Variants in TBC1D8 observed in about 807,000 individuals in gnomAD.
TBC1D8 encodes the protein BUB2-like protein 1.
TBC1D8 carries 65 observed loss-of-function variants against 118.8 expected under a neutral mutation model. That is an observed-to-expected ratio of 0.55 (90% CI 0.45 to 0.67). The LOEUF (loss-of-function observed/expected upper bound fraction) is 0.67, where lower values mean the gene tolerates loss of function less well. Among genes scored for constraint, TBC1D8 ranks in the 30% least tolerant of loss-of-function variants. The pLI is 0.00. For synonymous variants in TBC1D8, 566 were observed against 595.8 expected, an observed-to-expected ratio of 0.95 and a Z score of 0.73; for missense variants, 1,376 against 1,471.2, an observed-to-expected ratio of 0.94 and a Z score of 1.06.
chr2:101,026,743 G>A (rs1374642948), intron 15 of TBC1D8, among the ~76,000 whole-genome samples: 1 of 152,162 alleles, frequency 6.6e-6, no homozygotes, highest in Admixed American at 6.5e-5. Flanking sequence ...TTACTGTTTT[G>A]AGCAAGAAAA....
intron 2 of TBC1D8, among the ~76,000 whole-genome samples, chr2:101,067,160 T>C (rs1307891437): frequency 6.6e-6 from 1 of 152,146 alleles, no homozygotes; most frequent in Non-Finnish European, 1.5e-5. Context: ...CTTCAGTTCT[T>C]ACATCAAATG....
At chr2:101,109,957 T>C in intron 1 of TBC1D8, 2 of 985,490 alleles carry the variant, frequency 2.0e-6, no homozygotes, top group Non-Finnish European at 2.4e-6. Flanking sequence ...TCGTGCATCC[T>C]GCTTTCCTTT....
rs201589539 is a variant in TBC1D8 at position 101,028,045 on chromosome 2, C to T, written c.2451+3G>A. On this transcript the variant is annotated splice_donor_region_variant and intron_variant, in intron 14 of 19. Coordinates refer to ENST00000409318, the MANE Select transcript of TBC1D8 (RefSeq NM_001330348.2). ...TCACCGGGGTGAGGCGTCTGCTACCCACCACGTTCTGCTTTGTGGTGTCCT... is the reference window on the plus strand; with the variant it reads ...TCACCGGGGTGAGGCGTCTGCTACCTACCACGTTCTGCTTTGTGGTGTCCT... 72 of 1,613,992 alleles carry T rather than the reference C, an allele frequency of 4.5e-5. No individual in the cohort carries two copies. The highest frequency in any genetic ancestry group is 5.5e-5 in the Non-Finnish European group (65 of 1,179,868).
chr2:101,106,117 C>A (rs548464748), intron 1 of TBC1D8, among the ~76,000 whole-genome samples: 2 of 152,142 alleles, frequency 1.3e-5, no homozygotes, highest in East Asian at 3.9e-4. Flanking sequence ...AAGAAACCCT[C>A]CTAAGAAAGC....
chr2:101,095,249 T>TTTATTATTATTATTATTATTA (rs61200526), intron 1 of TBC1D8, among the ~76,000 whole-genome samples: 12,152 of 145,974 alleles, frequency 0.083, 697 homozygotes, highest in Middle Eastern at 0.19. Flanking sequence ...AAGTATTTTC[T>TTTATTATTATTATTATTATTA]TTATTATTAT....
intron 1 of TBC1D8, among the ~76,000 whole-genome samples, chr2:101,094,144 G>C (rs1448112640): frequency 1.3e-5 from 2 of 152,092 alleles, no homozygotes; most frequent in African/African-American, 4.8e-5. Flanking sequence ...CCTCAGAAAA[G>C]AAGGAAGAGC....
chr2:101,147,032 G>T (rs1173503672), intron 1 of TBC1D8, among the ~76,000 whole-genome samples: 4 of 151,398 alleles, frequency 2.6e-5, no homozygotes, highest in African/African-American at 4.9e-5. Flanking sequence ...TTGCAAATGC[G>T]CCAGGCACGG....
chr2:101,049,496 A>G (rs1573936368), intron 5 of TBC1D8, among the ~76,000 whole-genome samples: 1 of 152,156 alleles, frequency 6.6e-6, no homozygotes, highest in African/African-American at 2.4e-5. Context: ...TGGGAGGCTG[A>G]GGCGGGTGGA....
chr2:101,105,550 C>G (rs943067999), intron 1 of TBC1D8, among the ~76,000 whole-genome samples: 1 of 148,568 alleles, frequency 6.7e-6, no homozygotes, highest in African/African-American at 2.5e-5. Flanking sequence ...GATCATGCCA[C>G]TACACTCCAG....
At chr2:101,079,680 G>T (rs1408209952) in intron 2 of TBC1D8, among the ~76,000 whole-genome samples, 2 of 81,806 alleles carry the variant, frequency 2.4e-5, no homozygotes, top group South Asian at 5.1e-4. Context: ...GTCCAGTCTG[G>T]TTTTTTTTTT....
intron 1 of TBC1D8, among the ~76,000 whole-genome samples, chr2:101,138,531 G>A (rs891440788): frequency 2.6e-5 from 4 of 152,140 alleles, no homozygotes; most frequent in Admixed American, 6.5e-5. Context: ...CTGCACTTCC[G>A]ACCAACCAGC....
At chr2:101,130,614 CACTA>C (rs1420240311) in intron 1 of TBC1D8, among the ~76,000 whole-genome samples, 1 of 152,222 alleles carries the variant, frequency 6.6e-6, no homozygotes, top group Non-Finnish European at 1.5e-5. Context: ...GTGAAAACAG[CACTA>C]ACTGTTTTAA....
chr2:101,017,991 G>A (rs1295542916), intron 17 of TBC1D8: 3 of 1,483,204 alleles, frequency 2.0e-6, no homozygotes, highest in Non-Finnish European at 2.8e-6. Context: ...CGGTTCCAAT[G>A]CTCGCAATTC....
chr2:101,014,946 A>G (rs1435577919), intron 17 of TBC1D8, among the ~76,000 whole-genome samples: 1 of 152,128 alleles, frequency 6.6e-6, no homozygotes, highest in East Asian at 1.9e-4. Context: ...TTTTCTCCAC[A>G]GCAAATATTC....
At position 101,045,247 on chromosome 2, in the gene TBC1D8, A is replaced by G. The variant is rs547636482; in HGVS notation, c.873-4862T>C. 7.2e-5 allele frequency among the ~76,000 whole-genome samples: 11 copies of G among 152,338 alleles called. No homozygotes were observed. In the South Asian group the frequency reaches 2.3e-3, roughly 32 times the overall value. Reference sequence around the variant, plus strand: ...TCAGCTTAATCCCTAAGAGGACCCAAGAAGGTATGTATTTCTTTTATTTCT... The same window carrying G: ...TCAGCTTAATCCCTAAGAGGACCCAGGAAGGTATGTATTTCTTTTATTTCT... On this transcript the variant is annotated intron_variant, in intron 5 of 19. Transcript: ENST00000409318.
At position 101,040,355 on chromosome 2, in the gene TBC1D8, G is replaced by A. The variant is rs763212244; in HGVS notation, c.903C>T (p.Phe301=). The change falls in exon 6 of 20, where the codon TTC becomes TTT. Residue 301 remains phenylalanine, a synonymous_variant. Transcript: ENST00000409318. Reference sequence around the variant, plus strand: ...TCGGCAACCTGAAGAAAGCCCGGAAGAACTCATTCTGTGCTCTGGCTTCCA... The same window carrying A: ...TCGGCAACCTGAAGAAAGCCCGGAAAAACTCATTCTGTGCTCTGGCTTCCA... ...RDLEARAQNE[F]FRAFFRLPRK... The A allele has an allele frequency of 6.2e-7, 1 of 1,608,378 alleles. No homozygotes were observed. The highest frequency in any genetic ancestry group is 8.5e-7 in the Non-Finnish European group (1 of 1,177,052).
chr2:101,103,221 A>G (rs1373884844), intron 1 of TBC1D8, among the ~76,000 whole-genome samples: 3 of 151,958 alleles, frequency 2.0e-5, no homozygotes, highest in Non-Finnish European at 2.9e-5. Flanking sequence ...CGATCAATAT[A>G]ATACATGACA....
chr2:101,108,251 C>T (rs969987884), intron 1 of TBC1D8, among the ~76,000 whole-genome samples: 1 of 152,028 alleles, frequency 6.6e-6, no homozygotes, highest in African/African-American at 2.4e-5. Context: ...AATACAGGAC[C>T]AGCATTTTCT....
chr2:101,038,808 C>T (rs1467927973), intron 6 of TBC1D8, among the ~76,000 whole-genome samples, 153 bp from the exon 7 acceptor site: 1 of 152,198 alleles, frequency 6.6e-6, no homozygotes, highest in Non-Finnish European at 1.5e-5. Flanking sequence ...CTCACCCCCA[C>T]CACAAGGGGA....
Sources: gnomAD v4.1 joint callset for allele counts (sites outside exome capture counted in the v4.1 genomes callset) on GRCh38, gnomAD v4.1.1 for gene constraint, MANE v1.5 for transcripts, NCBI Gene and HGNC (gene_info 2026-07-23, HGNC 2026-07-21) for gene names.